Variants in PTPRN2 observed in about 807,000 individuals in gnomAD.
The protein encoded by PTPRN2 is receptor-type tyrosine-protein phosphatase N2.
A neutral mutation model predicts 118.8 loss-of-function variants in PTPRN2; 74 were observed. The ratio of observed to expected loss-of-function variants is 0.62; its 90% confidence interval spans 0.52 to 0.76. The LOEUF is 0.76. PTPRN2 is among the 30% of genes least tolerant of loss of function. The probability of loss-of-function intolerance (pLI) is 0.00; values close to 1 mark genes in which losing one functional copy is unlikely to be tolerated. For synonymous variants in PTPRN2, 641 were observed against 608.0 expected (o/e 1.05, Z -0.80); for missense variants, 1,481 against 1,394.4 (o/e 1.06, Z -0.99).
chr7:158,484,416 G>A (rs1464147013), intron 2 of PTPRN2, among the ~76,000 whole-genome samples: 1 of 152,202 alleles, frequency 6.6e-6, no homozygotes, highest in Non-Finnish European at 1.5e-5. Context: ...AGACTGGAGT[G>A]CAATGGTGTG....
intron 3 of PTPRN2, among the ~76,000 whole-genome samples, chr7:158,281,394 G>C (rs935573765): frequency 1.3e-5 from 2 of 152,178 alleles, no homozygotes; most frequent in African/African-American, 4.8e-5. Context: ...AGGCAAATAG[G>C]AATACCAGGA....
intron 12 of PTPRN2, among the ~76,000 whole-genome samples, chr7:157,855,464 G>A (rs1206802487): frequency 2.6e-5 from 4 of 152,246 alleles, no homozygotes; most frequent in African/African-American, 4.8e-5. Flanking sequence ...GCTGAGTGGT[G>A]CCGCTTCTTG....
intron 12 of PTPRN2, among the ~76,000 whole-genome samples, chr7:157,809,470 T>C (rs955097781): frequency 7.9e-5 from 12 of 152,200 alleles, no homozygotes; most frequent in African/African-American, 2.7e-4. Flanking sequence ...ACCAAGGCAC[T>C]GTGGCGAGCA....
In PTPRN2 at chr7:157,831,678, A is replaced by G. The variant is rs1335831627; in HGVS notation, c.1788+66995T>C. 1.3e-5 allele frequency among the ~76,000 whole-genome samples: 2 copies of G among 152,066 alleles called. No individual in the cohort carries two copies. The highest frequency in any genetic ancestry group is 2.9e-5 in the Non-Finnish European group (2 of 68,020). On this transcript the variant is annotated intron_variant, in intron 12 of 22. Coordinates refer to ENST00000389418, the MANE Select transcript of PTPRN2 (RefSeq NM_002847.5). This position sits in a 1 kb window ranked among gnomAD's most constrained non-coding sequence, Gnocchi z 4.8. ...GAGTCTACACAGGTGTTCTGCACTG[A>G]GCTCCCCTCTACTTCGGGCCTGCGA...
At chr7:158,178,119 TGAG>T (rs1824373551) in intron 5 of PTPRN2, among the ~76,000 whole-genome samples, 1 of 152,240 alleles carries the variant, frequency 6.6e-6, no homozygotes, top group Non-Finnish European at 1.5e-5. Flanking sequence ...ATTTCCATAA[TGAG>T]GAATGATACT....
chr7:157,747,700 G>A (rs1801076489), intron 12 of PTPRN2, among the ~76,000 whole-genome samples: 1 of 133,004 alleles, frequency 7.5e-6, no homozygotes, highest in South Asian at 2.6e-4. Context: ...TGAGGCCTGC[G>A]TCTCTCAGCT....
intron 1 of PTPRN2, among the ~76,000 whole-genome samples, chr7:158,534,735 A>T (rs1209781600): frequency 3.9e-5 from 6 of 151,994 alleles, no homozygotes; most frequent in Admixed American, 3.9e-4. Context: ...GGCATGTTTC[A>T]CCTCGGCTGT....
chr7:158,452,953 T>C (rs1055187578), intron 2 of PTPRN2, among the ~76,000 whole-genome samples: 4 of 152,204 alleles, frequency 2.6e-5, no homozygotes, highest in African/African-American at 7.2e-5. Flanking sequence ...CTGGTACAGC[T>C]GCAACACAGG....
intron 2 of PTPRN2, among the ~76,000 whole-genome samples, chr7:158,481,923 G>A (rs984244232): frequency 6.6e-6 from 1 of 152,190 alleles, no homozygotes; most frequent in Admixed American, 6.5e-5. Context: ...GGTCAAAATA[G>A]CAACATTCAC....
intron 13 of PTPRN2, among the ~76,000 whole-genome samples, chr7:157,677,693 G>A (rs769658805): frequency 6.6e-5 from 10 of 152,166 alleles, no homozygotes; most frequent in Non-Finnish European, 8.8e-5. Context: ...TGAACACACA[G>A]GCAAACAAAA....
intron 12 of PTPRN2, among the ~76,000 whole-genome samples, chr7:157,773,169 C>A (rs1339370594): frequency 6.6e-6 from 1 of 152,208 alleles, no homozygotes; most frequent in African/African-American, 2.4e-5. Flanking sequence ...GCACTCGCAG[C>A]AGACGGAGGC....
At chr7:158,272,487 T>C (rs909309135) in intron 3 of PTPRN2, among the ~76,000 whole-genome samples, 1 of 152,000 alleles carries the variant, frequency 6.6e-6, no homozygotes, top group East Asian at 1.9e-4. Flanking sequence ...CCAAAAACAC[T>C]GAGCAGGTTT....
intron 17 of PTPRN2, among the ~76,000 whole-genome samples, chr7:157,582,654 T>A (rs1800457484): frequency 6.6e-6 from 1 of 151,934 alleles, no homozygotes; most frequent in African/African-American, 2.4e-5. Context: ...GGCAGGTGGA[T>A]CACGAGGTCA....
Position 157,590,578 on chromosome 7 carries a change from C to T in PTPRN2, c.2496+4660G>A, listed in dbSNP as rs1281909820. ...ATGTGTGCAGTGAGTGGTGACCCTC[C>T]GTGGATTTTCGTGCACGTTCTGGGC... is the stretch of plus-strand genomic sequence containing the variant. On this transcript the variant is annotated intron_variant, in intron 17 of 22. Transcript: ENST00000389418. This position sits in a 1 kb window ranked among gnomAD's most constrained non-coding sequence, Gnocchi z 4.0. 1.3e-5 allele frequency among the ~76,000 whole-genome samples: 2 copies of T among 152,336 alleles called. No homozygotes were observed. Among genetic ancestry groups the T allele is most frequent in the Admixed American group, 6.5e-5 (1 of 15,304 alleles).
intron 13 of PTPRN2, among the ~76,000 whole-genome samples, chr7:157,665,738 T>C (rs1157260884): frequency 1.3e-5 from 2 of 152,230 alleles, no homozygotes; most frequent in African/African-American, 4.8e-5. Flanking sequence ...CCAACCCAAA[T>C]GTCCATCAAT....
At chr7:157,822,663 A>G (rs775451280) in intron 12 of PTPRN2, among the ~76,000 whole-genome samples, 32 of 151,290 alleles carry the variant, frequency 2.1e-4, no homozygotes, top group Admixed American at 3.9e-4. Flanking sequence ...TCCACTCACC[A>G]TGCATCCATC....
At chr7:157,731,516 C>A (rs867540781) in intron 12 of PTPRN2, among the ~76,000 whole-genome samples, 1 of 118,644 alleles carries the variant, frequency 8.4e-6, no homozygotes, top group South Asian at 2.4e-4. Flanking sequence ...GCACAGTTAC[C>A]CTTTCCCGTC....
intron 12 of PTPRN2, among the ~76,000 whole-genome samples, chr7:157,750,955 G>A (rs939087166): frequency 2.0e-5 from 3 of 152,232 alleles, no homozygotes; most frequent in Non-Finnish European, 2.9e-5. Flanking sequence ...CTGGTAGGCC[G>A]TGGAACCTTC....
At chr7:158,360,028 C>G (rs1468688769) in intron 2 of PTPRN2, among the ~76,000 whole-genome samples, 1 of 150,472 alleles carries the variant, frequency 6.6e-6, no homozygotes, top group Non-Finnish European at 1.5e-5. Flanking sequence ...CCCAGACAAC[C>G]CACAGATCCC....
Sources: allele counts gnomAD v4.1 joint callset (sites outside exome capture counted in the v4.1 genomes callset), GRCh38; gene constraint gnomAD v4.1.1; non-coding constraint Gnocchi (gnomAD v3.1); transcripts MANE v1.5; gene names NCBI Gene and HGNC (gene_info 2026-07-23, HGNC 2026-07-21).